Variants in MYO18B observed in about 807,000 individuals in gnomAD.
MYO18B encodes the protein myosin XVIIIB.
A neutral mutation model predicts 273.0 loss-of-function variants in MYO18B; 204 were observed. That is an observed-to-expected ratio of 0.75 (90% CI 0.67 to 0.84). The LOEUF is 0.84. Among genes scored for constraint, MYO18B ranks in the 40% least tolerant of loss-of-function variants. The probability of loss-of-function intolerance (pLI) is 0.00; values close to 1 mark genes in which losing one functional copy is unlikely to be tolerated. For missense variants in MYO18B, 3,212 were observed against 3,287.6 expected (o/e 0.98, Z 0.56); for synonymous variants, 1,330 against 1,305.7 (o/e 1.02, Z -0.40).
intron 20 of MYO18B, among the ~76,000 whole-genome samples, chr22:25,850,030 T>C (rs564778057): frequency 1.3e-5 from 2 of 152,278 alleles, no homozygotes; most frequent in Admixed American, 1.3e-4. Flanking sequence ...TGCAGATAGG[T>C]GTGCCCTAAA....
At chr22:25,907,165 T>C (rs2092060961) in intron 31 of MYO18B, among the ~76,000 whole-genome samples, 1 of 152,284 alleles carries the variant, frequency 6.6e-6, no homozygotes, top group Admixed American at 6.5e-5. Flanking sequence ...TTTGTAATTC[T>C]AACGTGCCAC....
rs1936271619 is a variant in MYO18B, at chr22:26,026,749, A to G, written c.6775A>G (p.Arg2259Gly). ...ALSEFVEGLR[R>G]KRAQRGQGST... ...CTCGGAGTTCGTGGAAGGGCTCCGG[A>G]GGAAGAGAGCCCAGAGAGGCCAGGG... is the stretch of plus-strand genomic sequence containing the variant. Residue 2259 changes from arginine (R) to glycine (G), a missense_variant, in exon 43 of 44, where the codon AGG (arginine) becomes GGG (glycine). Arg to Gly is a moderately radical substitution (Grantham distance 125). Coordinates refer to ENST00000335473, the MANE Select transcript of MYO18B (RefSeq NM_032608.7). The G allele has an allele frequency of 1.2e-6, 2 of 1,612,650 alleles. No homozygotes were observed. The highest frequency in any genetic ancestry group is 2.7e-5 in the African/African-American group (2 of 74,818).
chr22:25,775,925 C>G (rs1017674374), intron 7 of MYO18B, among the ~76,000 whole-genome samples: 4 of 152,042 alleles, frequency 2.6e-5, no homozygotes, highest in Non-Finnish European at 4.4e-5. Flanking sequence ...GTCCAATGCA[C>G]CTTTTTAGTG....
At chr22:25,823,477 C>A in intron 12 of MYO18B, 28 bp from the exon 13 acceptor site, 1 of 1,607,922 alleles carries the variant, frequency 6.2e-7, no homozygotes, top group Non-Finnish European at 8.5e-7. Context: ...GGCCTCACTG[C>A]CACGCCTCTG....
intron 18 of MYO18B, 124 bp downstream of exon 18, chr22:25,844,018 C>T (rs1214598889): frequency 1.5e-5 from 12 of 811,912 alleles, no homozygotes; most frequent in Non-Finnish European, 2.0e-5. Flanking sequence ...CCCATCCCTC[C>T]ATAATGGAGC....
chr22:25,780,524 A>C (rs750509179), intron 9 of MYO18B, among the ~76,000 whole-genome samples: 27 of 138,062 alleles, frequency 2.0e-4, no homozygotes, highest in South Asian at 5.2e-4. Context: ...CAGGAGGCGG[A>C]GGTTGTAGTG....
At chr22:26,032,093 A>G (rs140874541), downstream of MYO18B, among the ~76,000 whole-genome samples, 2 of 152,346 alleles carry the variant, frequency 1.3e-5, no homozygotes, top group African/African-American at 2.4e-5. Context: ...AGTGAAATCC[A>G]TCAAGTCATG....
At position 25,768,445 on chromosome 22, in the gene MYO18B, C is replaced by A. The variant is rs374203426; in HGVS notation, c.529C>A (p.Pro177Thr). The change falls in exon 4 of 44, where the codon CCT becomes ACT. Residue 177 changes from proline to threonine, a missense_variant. By Grantham distance (38) the Pro-to-Thr change is conservative (BLOSUM62 -1). Coordinates refer to ENST00000335473, the MANE Select transcript of MYO18B (RefSeq NM_032608.7). Reference protein sequence around the residue: ...PEKTHPHDAPPCKTSPPATDT... With the variant: ...PEKTHPHDAPTCKTSPPATDT... ...GAAGACTCATCCCCATGACGCCCCC[C>A]CTTGCAAGACCTCTCCCCCCGCCAC... 6.9e-5 allele frequency: 92 copies of A among 1,333,732 alleles called. No homozygotes were observed. Among genetic ancestry groups the A allele is most frequent in the African/African-American group, 4.8e-4 (33 of 68,644 alleles). The allele number at this position is 1,333,732 out of a possible 1,614,324, so 82.6% of individuals were successfully genotyped here.
chr22:25,961,470 C>T (rs913108292), intron 39 of MYO18B, among the ~76,000 whole-genome samples: 1 of 152,130 alleles, frequency 6.6e-6, no homozygotes, highest in African/African-American at 2.4e-5. Context: ...AAATTTGATC[C>T]TCAGTTTTGC....
rs370609006 is a variant in MYO18B at position 25,878,084 on chromosome 22, G to A, written c.4314+36G>A. 3.8e-5 allele frequency: 57 copies of A among 1,498,874 alleles called. No individual in the cohort carries two copies. In the African/African-American group the frequency reaches 7.5e-4, roughly 20 times the overall value. 92.8% of individuals were successfully genotyped at this position (1,498,874 alleles called of 1,614,324 possible). On this transcript the variant is annotated intron_variant, in intron 25 of 43. Coordinates refer to ENST00000335473, the MANE Select transcript of MYO18B (RefSeq NM_032608.7). Reference sequence around the variant, plus strand: ...CCCTCCTCTTGGGTCCTTGTGGGGGGTCTTTATGTATGTGAGATCTGTTTA... The same window carrying A: ...CCCTCCTCTTGGGTCCTTGTGGGGGATCTTTATGTATGTGAGATCTGTTTA...
chr22:25,926,720 G>C (rs948520408), intron 34 of MYO18B, among the ~76,000 whole-genome samples: 1 of 152,180 alleles, frequency 6.6e-6, no homozygotes, highest in African/African-American at 2.4e-5. Flanking sequence ...CAAGCTACAG[G>C]GATAAAGAGG....
chr22:25,997,932 AACACACAC>A (rs3070628), intron 40 of MYO18B, among the ~76,000 whole-genome samples: 3 of 144,666 alleles, frequency 2.1e-5, no homozygotes, highest in Non-Finnish European at 4.5e-5. Flanking sequence ...CCAGGAGAGA[AACACACAC>A]ACACACACAC....
At chr22:25,913,241 C>G (rs1404044718) in intron 33 of MYO18B, among the ~76,000 whole-genome samples, 1 of 152,232 alleles carries the variant, frequency 6.6e-6, no homozygotes, top group African/African-American at 2.4e-5. Flanking sequence ...CTTCATGTCC[C>G]CACCAACATG....
In MYO18B at chr22:25,892,672, C is replaced by A. The variant is rs1248174077; in HGVS notation, c.4543+1260C>A. The A allele has an allele frequency of 2.0e-5, 3 of 152,186 alleles. No homozygotes were observed. In the East Asian group the frequency reaches 5.8e-4, roughly 29 times the overall value. The allele number at this position is 152,186 out of a possible 1,614,324, so 9.4% of individuals were successfully genotyped here. A position where few individuals can be genotyped will look rare whatever the true frequency, so the allele number is the denominator to read the frequency against. On this transcript the variant is annotated intron_variant, in intron 27 of 43. Transcript: ENST00000335473. The stretch of plus-strand genomic sequence containing the variant: ...AAAAGAGACAATGAGTATTTATTTT[C>A]TGTTTCATTCTTGTTCTTGTTATCC...
intron 39 of MYO18B, among the ~76,000 whole-genome samples, chr22:25,965,262 C>T (rs1227722695): frequency 6.6e-6 from 1 of 152,110 alleles, no homozygotes; most frequent in Non-Finnish European, 1.5e-5. Flanking sequence ...GAATGGGAGG[C>T]GTAGAGCAGA....
rs546710450 is a variant in MYO18B at position 25,774,507 on chromosome 22, G to A, written c.1869+1997G>A. 1.8e-4 allele frequency among the ~76,000 whole-genome samples: 28 copies of A among 152,348 alleles called. No individual in the cohort carries two copies. In the South Asian group the frequency reaches 3.1e-3, roughly 17 times the overall value. ...GAGGCATCAGAACTTAGGCAAAAGCGCCAAAAGATGCAGGCATTGGTACGC... is the reference window on the plus strand; with the variant it reads ...GAGGCATCAGAACTTAGGCAAAAGCACCAAAAGATGCAGGCATTGGTACGC... On this transcript the variant is annotated intron_variant, in intron 7 of 43. Coordinates refer to ENST00000335473, the MANE Select transcript of MYO18B (RefSeq NM_032608.7).
intron 42 of MYO18B, among the ~76,000 whole-genome samples, chr22:26,026,023 A>T (rs1197759913): frequency 1.3e-5 from 2 of 152,178 alleles, no homozygotes; most frequent in Non-Finnish European, 2.9e-5. Flanking sequence ...CAGAAGCCCC[A>T]CTTGGTGGGA....
At chr22:25,742,633 G>A (rs977465467) in intron 1 of MYO18B, among the ~76,000 whole-genome samples, 1 of 152,140 alleles carries the variant, frequency 6.6e-6, no homozygotes, top group South Asian at 2.1e-4. Context: ...ATCTTTGCCC[G>A]CAGACGTCAG....
At chr22:26,012,138 C>T (rs1333617246) in intron 42 of MYO18B, among the ~76,000 whole-genome samples, 1 of 152,134 alleles carries the variant, frequency 6.6e-6, no homozygotes, top group Non-Finnish European at 1.5e-5. Context: ...GCGTTACTTT[C>T]AAAGAAGGGC....
Sources: allele counts gnomAD v4.1 joint callset (sites outside exome capture counted in the v4.1 genomes callset), GRCh38; gene constraint gnomAD v4.1.1; transcripts MANE v1.5; gene names NCBI Gene and HGNC (gene_info 2026-07-23, HGNC 2026-07-21).